PRKG1: variants seen among roughly 807,000 people sequenced by gnomAD.
PRKG1 encodes the protein protein kinase cGMP-dependent 1.
A neutral mutation model predicts 88.1 loss-of-function variants in PRKG1; 35 were observed. The ratio of observed to expected loss-of-function variants is 0.40; its 90% CI spans 0.30 to 0.53. The LOEUF (loss-of-function observed/expected upper bound fraction) is 0.53, where lower values mean the gene tolerates loss of function less well. PRKG1 is among the 20% of genes least tolerant of loss of function. PRKG1 has a pLI of 0.59. For synonymous variants in PRKG1, 303 were observed against 292.5 expected (o/e 1.04, Z -0.37); for missense variants, 540 against 839.8 (o/e 0.64, Z 4.41).
chr10:51,777,502 A>G (rs921201606), intron 3 of PRKG1, among the ~76,000 whole-genome samples: 1 of 152,130 alleles, frequency 6.6e-6, no homozygotes, highest in African/African-American at 2.4e-5. Context: ...CAGCAAAGGA[A>G]TGTGCAGAGA....
intron 5 of PRKG1, among the ~76,000 whole-genome samples, chr10:51,944,395 CA>C (rs1483736235): frequency 2.0e-5 from 3 of 151,938 alleles, no homozygotes; most frequent in Non-Finnish European, 4.4e-5. Flanking sequence ...TTGATCCTTT[CA>C]AAAAACCAGC....
chr10:51,306,725 C>T (rs892814560), intron 2 of PRKG1: 6 of 151,994 alleles, frequency 3.9e-5, no homozygotes, highest in African/African-American at 1.2e-4. Flanking sequence ...CCAACTCATC[C>T]CATTGAAGAC....
chr10:51,556,489 C>T (rs1837315064), intron 3 of PRKG1, among the ~76,000 whole-genome samples: 1 of 151,938 alleles, frequency 6.6e-6, no homozygotes, highest in South Asian at 2.1e-4. Flanking sequence ...AACCTAGGTG[C>T]TCATCAATGG....
At chr10:51,346,259 A>C (rs1842111511) in intron 2 of PRKG1, among the ~76,000 whole-genome samples, 1 of 152,250 alleles carries the variant, frequency 6.6e-6, no homozygotes, top group Admixed American at 6.5e-5. Flanking sequence ...GAAGTGCAGG[A>C]CATAGTCTAT....
chr10:51,608,301 A>G (rs1206006833), intron 3 of PRKG1, among the ~76,000 whole-genome samples: 1 of 152,164 alleles, frequency 6.6e-6, no homozygotes, highest in East Asian at 1.9e-4. Context: ...ACGGAAGGAA[A>G]CCACAAATCC....
At chr10:51,783,846 T>C (rs923100198) in intron 3 of PRKG1, among the ~76,000 whole-genome samples, 1 of 152,156 alleles carries the variant, frequency 6.6e-6, no homozygotes, top group Non-Finnish European at 1.5e-5. Context: ...GTTTTGCAAC[T>C]GAGACAGTTT....
At chr10:51,667,711 T>C (rs1008622817) in intron 3 of PRKG1, among the ~76,000 whole-genome samples, 2 of 152,216 alleles carry the variant, frequency 1.3e-5, no homozygotes, top group Non-Finnish European at 2.9e-5. Context: ...CTCAAATTTA[T>C]TAAGATTTAT....
chr10:51,912,190 T>A (rs1842233171), intron 5 of PRKG1, among the ~76,000 whole-genome samples: 1 of 152,166 alleles, frequency 6.6e-6, no homozygotes, highest in South Asian at 2.1e-4. Context: ...AGGAATGAGT[T>A]TGCTGCTCTT....
At chr10:51,803,040 C>T (rs1163316206) in intron 3 of PRKG1, among the ~76,000 whole-genome samples, 1 of 152,102 alleles carries the variant, frequency 6.6e-6, no homozygotes, top group Non-Finnish European at 1.5e-5. Flanking sequence ...TCAGCTCCCA[C>T]CACTTTTTAA....
At chr10:52,279,063 A>G (rs1841941480) in intron 12 of PRKG1, among the ~76,000 whole-genome samples, 1 of 152,194 alleles carries the variant, frequency 6.6e-6, no homozygotes, top group Admixed American at 6.6e-5. Context: ...AATTATATAT[A>G]CACAGATGCT....
chr10:51,025,492 T>C (rs548779417), intron 1 of PRKG1, among the ~76,000 whole-genome samples: 1 of 152,300 alleles, frequency 6.6e-6, no homozygotes, highest in East Asian at 1.9e-4. Context: ...CTGGGGGCTC[T>C]GGCTGAGAAG....
chr10:51,014,933 G>A (rs1564570911), intron 1 of PRKG1, among the ~76,000 whole-genome samples: 1 of 152,116 alleles, frequency 6.6e-6, no homozygotes, highest in African/African-American at 2.4e-5. Flanking sequence ...TGTGCTTCCT[G>A]TTTTTCAAGC....
chr10:51,581,418 C>T (rs1187348123), intron 3 of PRKG1, among the ~76,000 whole-genome samples: 1 of 152,098 alleles, frequency 6.6e-6, no homozygotes. Flanking sequence ...CTAAAGAGGC[C>T]TAGAATAGCC....
chr10:51,362,063 G>A (rs1202716205), intron 2 of PRKG1, among the ~76,000 whole-genome samples: 1 of 151,826 alleles, frequency 6.6e-6, no homozygotes, highest in Non-Finnish European at 1.5e-5. Flanking sequence ...TTACATAATT[G>A]TGAAGTGGAT....
At chr10:51,135,334 A>ATTCTTT (rs1366375996) in intron 1 of PRKG1, among the ~76,000 whole-genome samples, 2 of 152,164 alleles carry the variant, frequency 1.3e-5, no homozygotes, top group East Asian at 3.8e-4. Flanking sequence ...ATTCTTTTTG[A>ATTCTTT]TAAATTAAAA....
At chr10:51,677,135 C>T (rs1423287242) in intron 3 of PRKG1, among the ~76,000 whole-genome samples, 1 of 152,104 alleles carries the variant, frequency 6.6e-6, no homozygotes, top group East Asian at 1.9e-4. Flanking sequence ...TTATACAATG[C>T]CTTTTTTAAT....
rs187619393 is a variant in PRKG1 at position 51,030,283 on chromosome 10, G to A, written c.266+38639G>A. ...AAAAGTTCTTCTTTTTCAAAAAATA[G>A]CACTATATTATTTAAAAGAATTATA... On this transcript the variant is annotated intron_variant, in intron 1 of 17. Transcript: ENST00000401604. Among the ~76,000 whole-genome samples the A allele has an allele frequency of 4.5e-3, 680 of 151,638 alleles. 7 individuals carry two copies. Among genetic ancestry groups the A allele is most frequent in the African/African-American group, 0.015 (634 of 41,316 alleles).
At chr10:51,420,861 C>T (rs747612357) in intron 2 of PRKG1, among the ~76,000 whole-genome samples, 15 of 152,112 alleles carry the variant, frequency 9.9e-5, no homozygotes, top group Non-Finnish European at 1.5e-4. Context: ...GAAGCAGGAG[C>T]GGGCACTTCA....
At chr10:51,361,814 C>A (rs1344677311) in intron 2 of PRKG1, among the ~76,000 whole-genome samples, 2 of 151,854 alleles carry the variant, frequency 1.3e-5, no homozygotes, top group East Asian at 1.9e-4. Flanking sequence ...GTAACAATCA[C>A]CTTCAAAACT....
Sources: gnomAD v4.1 joint callset for allele counts (sites outside exome capture counted in the v4.1 genomes callset) on GRCh38, gnomAD v4.1.1 for gene constraint, MANE v1.5 for transcripts, NCBI Gene and HGNC (gene_info 2026-07-23, HGNC 2026-07-21) for gene names.